CNTN5: variants seen among roughly 807,000 people sequenced by gnomAD.
CNTN5 encodes contactin 5, also known as contactin-5.
CNTN5 carries 77 observed loss-of-function variants against 129.1 expected under a neutral mutation model. The ratio of observed to expected loss-of-function variants is 0.60; its 90% CI spans 0.50 to 0.72. CNTN5 has a LOEUF of 0.72. CNTN5 is among the 30% of genes least tolerant of loss of function. The probability of loss-of-function intolerance (pLI) is 0.00; values close to 1 mark genes in which losing one functional copy is unlikely to be tolerated. For synonymous variants in CNTN5, 509 were observed against 465.6 expected (o/e 1.09, Z -1.20); for missense variants, 1,478 against 1,328.8 (o/e 1.11, Z -1.75).
At chr11:99,314,216 C>T (rs956786110) in intron 1 of CNTN5, among the ~76,000 whole-genome samples, 4 of 151,872 alleles carry the variant, frequency 2.6e-5, no homozygotes, top group African/African-American at 9.7e-5. Context: ...ATTTGCTGAA[C>T]AATAATTAAT....
intron 1 of CNTN5, among the ~76,000 whole-genome samples, chr11:99,092,478 A>G (rs1443789607): frequency 6.6e-6 from 1 of 152,038 alleles, no homozygotes; most frequent in Non-Finnish European, 1.5e-5. Context: ...AAAAATTGTC[A>G]AAATGTTGAT....
At chr11:99,883,601 C>A (rs1282195733) in intron 6 of CNTN5, among the ~76,000 whole-genome samples, 3 of 152,086 alleles carry the variant, frequency 2.0e-5, no homozygotes, top group African/African-American at 7.2e-5. Flanking sequence ...CCCTATTAAA[C>A]AAAACAAAAC....
chr11:100,037,442 G>A (rs1382958835), intron 9 of CNTN5, among the ~76,000 whole-genome samples: 1 of 151,894 alleles, frequency 6.6e-6, no homozygotes, highest in African/African-American at 2.4e-5. Flanking sequence ...TTTTGGTTGT[G>A]TCTCTGCCCG....
chr11:99,318,733 C>A (rs555732375), intron 1 of CNTN5, among the ~76,000 whole-genome samples: 1 of 152,166 alleles, frequency 6.6e-6, no homozygotes, highest in South Asian at 2.1e-4. Flanking sequence ...GGTTTGGTAC[C>A]AGACAGGTGG....
intron 3 of CNTN5, among the ~76,000 whole-genome samples, chr11:99,756,915 T>G (rs1427375873): frequency 1.3e-5 from 1 of 76,938 alleles, no homozygotes; most frequent in African/African-American, 5.0e-5. Context: ...AATAGAGGGT[T>G]TTTTTTTTTT....
intron 7 of CNTN5, among the ~76,000 whole-genome samples, chr11:99,932,014 C>T (rs1434216121): frequency 1.3e-5 from 2 of 152,084 alleles, no homozygotes; most frequent in Admixed American, 1.3e-4. Flanking sequence ...ACCTGGCACT[C>T]GATCCTTTTT....
intron 1 of CNTN5, among the ~76,000 whole-genome samples, chr11:99,283,385 C>G (rs942939374): frequency 7.9e-5 from 12 of 151,764 alleles, no homozygotes; most frequent in Non-Finnish European, 1.6e-4. Flanking sequence ...CTGTCTCACA[C>G]ACACATGCAC....
intron 1 of CNTN5, among the ~76,000 whole-genome samples, chr11:99,189,597 G>A (rs950634690): frequency 2.0e-5 from 3 of 151,622 alleles, no homozygotes; most frequent in East Asian, 1.9e-4. Context: ...GTTAAGTGAC[G>A]TGGTGGTGTT....
At chr11:99,691,940 C>A (rs914370986) in intron 3 of CNTN5, among the ~76,000 whole-genome samples, 2 of 152,038 alleles carry the variant, frequency 1.3e-5, no homozygotes, top group African/African-American at 4.8e-5. Context: ...GTATTGGGTG[C>A]ATATATATTT....
At chr11:99,883,358 C>T (rs1948820929) in intron 6 of CNTN5, among the ~76,000 whole-genome samples, 1 of 152,194 alleles carries the variant, frequency 6.6e-6, no homozygotes, top group Non-Finnish European at 1.5e-5. Flanking sequence ...CCCCTTTTCT[C>T]CCTATCCTTG....
intron 2 of CNTN5, among the ~76,000 whole-genome samples, chr11:99,517,139 A>C (rs2135427548): frequency 6.6e-6 from 1 of 152,224 alleles, no homozygotes; most frequent in Middle Eastern, 3.4e-3. Context: ...TCTTTTAAAG[A>C]CCAGTCAAAT....
chr11:99,956,184 T>C (rs1950798179), intron 7 of CNTN5, among the ~76,000 whole-genome samples: 1 of 152,170 alleles, frequency 6.6e-6, no homozygotes, highest in Non-Finnish European at 1.5e-5. Flanking sequence ...AATATTCTAA[T>C]TATATGAATT....
chr11:100,089,450 C>A (rs1054172008), intron 13 of CNTN5, among the ~76,000 whole-genome samples: 3 of 152,136 alleles, frequency 2.0e-5, no homozygotes, highest in Non-Finnish European at 4.4e-5. Context: ...CACTTTTACA[C>A]TCTTGGTGAG....
chr11:99,168,344 G>T (rs932582508), intron 1 of CNTN5, among the ~76,000 whole-genome samples: 2 of 152,054 alleles, frequency 1.3e-5, no homozygotes, highest in African/African-American at 4.8e-5. Flanking sequence ...CCGGGGGGGT[G>T]GGGGGACGGC....
chr11:99,937,550 C>A (rs1950342640), intron 7 of CNTN5, among the ~76,000 whole-genome samples: 1 of 152,098 alleles, frequency 6.6e-6, no homozygotes, highest in Non-Finnish European at 1.5e-5. Context: ...GCTCAGGCTG[C>A]GGTTCAGGTT....
intron 1 of CNTN5, among the ~76,000 whole-genome samples, chr11:99,317,900 G>A (rs1865411223): frequency 6.6e-6 from 1 of 151,980 alleles, no homozygotes; most frequent in Admixed American, 6.6e-5. Flanking sequence ...AAAAGAGTTT[G>A]TATTTTTAAT....
chr11:99,412,664 G>A (rs954244842), intron 2 of CNTN5, among the ~76,000 whole-genome samples: 9 of 152,252 alleles, frequency 5.9e-5, no homozygotes, highest in Admixed American at 3.3e-4. Flanking sequence ...AAACAGCCTT[G>A]AAGAAATAAT....
At position 99,895,880 on chromosome 11, in the gene CNTN5, G is replaced by A. The variant is rs552442796; in HGVS notation, c.578-20174G>A. Among the ~76,000 whole-genome samples, 18 of 152,170 alleles carry A rather than the reference G, an allele frequency of 1.2e-4. No individual in the cohort carries two copies. The East Asian group carries it at 1.7e-3, about 15-fold the overall frequency. ...GAGAAAGGAGACACAGCATTTTTCCGTGTCCCTAGAATAGATGGCGCATCC... is the reference window on the plus strand; with the variant it reads ...GAGAAAGGAGACACAGCATTTTTCCATGTCCCTAGAATAGATGGCGCATCC... On this transcript the variant is annotated intron_variant, in intron 6 of 24. Coordinates refer to ENST00000524871, the MANE Select transcript of CNTN5 (RefSeq NM_014361.4).
At chr11:100,125,173 G>GT (rs1555015299) in intron 13 of CNTN5, among the ~76,000 whole-genome samples, 4 of 151,926 alleles carry the variant, frequency 2.6e-5, no homozygotes, top group Admixed American at 6.6e-5. Flanking sequence ...ATTCTTTCCA[G>GT]TTTTTTTCAA....
Sources: allele counts gnomAD v4.1 joint callset (sites outside exome capture counted in the v4.1 genomes callset), GRCh38; gene constraint gnomAD v4.1.1; transcripts MANE v1.5; gene names NCBI Gene and HGNC (gene_info 2026-07-23, HGNC 2026-07-21).